Variants in TOP2B observed in about 807,000 individuals in gnomAD.
TOP2B encodes DNA topoisomerase II beta.
Under a neutral mutation model 193.5 loss-of-function variants are expected in TOP2B, and 51 were observed. The observed-to-expected ratio is 0.26, with a 90% CI of 0.21 to 0.33. TOP2B has a LOEUF of 0.33. Ranked by LOEUF, TOP2B falls within the 10% of genes least tolerant of loss-of-function variation. The pLI is 1.00. For synonymous variants in TOP2B, 634 were observed against 635.7 expected (o/e 1.00, Z 0.04); for missense variants, 1,378 against 1,909.3 (o/e 0.72, Z 5.19).
chr3:25,664,503 G>C lies in TOP2B; in HGVS notation c.-206C>G, dbSNP rs904161472. 8.5e-7 allele frequency: 1 copy of C among 1,177,902 alleles called. No homozygotes were observed. Among genetic ancestry groups the C allele is most frequent in the Non-Finnish European group, 1.0e-6 (1 of 954,598 alleles). The allele number at this position is 1,177,902 out of a possible 1,614,324, so 73.0% of individuals were successfully genotyped here. A position where few individuals can be genotyped will look rare whatever the true frequency, so the allele number is the denominator to read the frequency against. On this transcript the variant is annotated 5_prime_UTR_variant, in exon 1 of 36. Transcript: ENST00000264331. ...CGCGCCGCCGGCTGCCCTCAAACTC[G>C]AGGCGCGGCGTCCGCGTCGCCCGGG... is the stretch of plus-strand genomic sequence containing the variant.
At chr3:25,657,077 C>G (rs189627541) in intron 1 of TOP2B, among the ~76,000 whole-genome samples, 1 of 152,210 alleles carries the variant, frequency 6.6e-6, no homozygotes, top group Non-Finnish European at 1.5e-5. Flanking sequence ...TTGTCTTTTA[C>G]GTTCCCATTC....
Position 25,664,356 on chromosome 3 carries a change from G to C in TOP2B, c.-59C>G. On this transcript the variant is annotated 5_prime_UTR_variant, in exon 1 of 36. Transcript: ENST00000264331. ...GCAGCCGCCGCTCCCGCCTCCCTGC[G>C]GGCCGCTGGGCCCCGCCGCTCCGCA... 1.4e-6 allele frequency: 2 copies of C among 1,391,586 alleles called. No homozygotes were observed. The highest frequency in any genetic ancestry group is 1.8e-6 in the Non-Finnish European group (2 of 1,084,520). The allele number at this position is 1,391,586 out of a possible 1,614,324, so 86.2% of individuals were successfully genotyped here. A position where few individuals can be genotyped will look rare whatever the true frequency, so the allele number is the denominator to read the frequency against.
At chr3:25,656,942 C>T (rs1167143297) in intron 1 of TOP2B, among the ~76,000 whole-genome samples, 3 of 152,192 alleles carry the variant, frequency 2.0e-5, no homozygotes, top group Admixed American at 6.5e-5. Flanking sequence ...AATGTTTACA[C>T]CTATTTATTA....
intron 25 of TOP2B, among the ~76,000 whole-genome samples, chr3:25,616,357 T>G (rs934263647): frequency 2.0e-5 from 3 of 150,314 alleles, no homozygotes; most frequent in Non-Finnish European, 4.4e-5. Flanking sequence ...TTAAAATGAC[T>G]GAGTTAACCA....
Position 25,664,315 on chromosome 3 carries a change from CA to C in TOP2B, c.-19del. The C allele has an allele frequency of 6.6e-7, 1 of 1,513,676 alleles. No homozygotes were observed. The highest frequency in any genetic ancestry group is 8.8e-7 in the Non-Finnish European group (1 of 1,137,428). The allele number at this position is 1,513,676 out of a possible 1,614,324, so 93.8% of individuals were successfully genotyped here. A position where few individuals can be genotyped will look rare whatever the true frequency, so the allele number is the denominator to read the frequency against. ...TTGGCCATGGCGAGTGCCTCCAGCT[CA>C]CAGGCCCTGAGGCCGCAGCCGCCGC... On this transcript the variant is annotated 5_prime_UTR_variant, in exon 1 of 36. Transcript: ENST00000264331.
intron 1 of TOP2B, among the ~76,000 whole-genome samples, chr3:25,662,101 A>C (rs1361700658): frequency 3.9e-5 from 6 of 152,246 alleles, no homozygotes; most frequent in Admixed American, 3.9e-4. Context: ...GCATTTCTTG[A>C]AGTTCACCAA....
Position 25,664,209 on chromosome 3 carries a change from C to G in TOP2B, c.69+20G>C. The G allele has an allele frequency of 6.5e-7, 1 of 1,539,226 alleles. No individual in the cohort carries two copies. Among genetic ancestry groups the G allele is most frequent in the South Asian group, 1.2e-5 (1 of 83,982 alleles). On this transcript the variant is annotated intron_variant, in intron 1 of 35. Transcript: ENST00000264331. ...GGCCCGGAACAATGCAGCCGCCCGT[C>G]CCGGGGACCAGCCACTTACCACCCA...
intron 4 of TOP2B, among the ~76,000 whole-genome samples, chr3:25,639,818 T>C (rs1166105934): frequency 6.6e-6 from 1 of 152,212 alleles, no homozygotes; most frequent in Non-Finnish European, 1.5e-5. Flanking sequence ...ATTTTATCCC[T>C]ACATCACAGA....
In TOP2B at chr3:25,640,962, T is replaced by C. The variant is rs540978577; in HGVS notation, c.395+1360A>G. ...TTTGTTTGTTTGTTTGTTTGTTTTTTGTAGAGACAGGTTTTCACCATGTTG... is the reference window on the plus strand; with the variant it reads ...TTTGTTTGTTTGTTTGTTTGTTTTTCGTAGAGACAGGTTTTCACCATGTTG... On this transcript the variant is annotated intron_variant, in intron 4 of 35. Coordinates refer to ENST00000264331, the MANE Select transcript of TOP2B (RefSeq NM_001330700.2). Among the ~76,000 whole-genome samples the C allele has an allele frequency of 1.8e-4, 27 of 152,084 alleles. No homozygotes were observed. The South Asian group carries it at 5.2e-3, about 29-fold the overall frequency.
Position 25,664,761 on chromosome 3 carries a change from C to G in TOP2B, c.-464G>C. 2.0e-6 allele frequency: 2 copies of G among 988,570 alleles called. No homozygotes were observed. The highest frequency in any genetic ancestry group is 2.4e-6 in the Non-Finnish European group (2 of 830,862). 61.2% of individuals were successfully genotyped at this position (988,570 alleles called of 1,614,324 possible). ...ACTCGAGTCGCCAGAGTAGTCGTCC[C>G]GGTCGCCGCCGCTGCTTCAAAGGCA... On this transcript the variant is annotated 5_prime_UTR_variant, in exon 1 of 36. Transcript: ENST00000264331.
At chr3:25,646,988 A>G (rs555784797) in intron 1 of TOP2B, among the ~76,000 whole-genome samples, 96 of 152,326 alleles carry the variant, frequency 6.3e-4, no homozygotes, top group Admixed American at 1.0e-3. Context: ...TCCTACATTT[A>G]TAAGTTTTTC....
At chr3:25,610,152 T>C (rs2125352458) in intron 28 of TOP2B, among the ~76,000 whole-genome samples, 1 of 151,098 alleles carries the variant, frequency 6.6e-6, no homozygotes, top group South Asian at 2.1e-4. Flanking sequence ...GGTGAGCCTC[T>C]GGCCTGGGAA....
In TOP2B at chr3:25,618,519, G is replaced by A; in HGVS notation, c.3260-10C>T. ...TTCTTTGACCTATTCTCTATGTGAG[G>A]GAAAAATAAAGTTAGGATCAAGATA... On this transcript the variant is annotated splice_polypyrimidine_tract_variant and intron_variant, in intron 24 of 35. Transcript: ENST00000264331. 1 of 1,600,282 alleles carries A rather than the reference G, an allele frequency of 6.2e-7. No homozygotes were observed. Among genetic ancestry groups the A allele is most frequent in the Non-Finnish European group, 8.5e-7 (1 of 1,170,898 alleles).
chr3:25,658,864 T>C (rs1703826723), intron 1 of TOP2B, among the ~76,000 whole-genome samples: 2 of 152,200 alleles, frequency 1.3e-5, no homozygotes, highest in African/African-American at 4.8e-5. Flanking sequence ...CAAAAGATTC[T>C]TCAATGGACA....
chr3:25,600,972 G>T, intron 34 of TOP2B, 128 bp downstream of exon 34: 1 of 907,786 alleles, frequency 1.1e-6, no homozygotes, highest in African/African-American at 1.7e-5. Flanking sequence ...TAGACACACT[G>T]CTTACTGAGG....
At chr3:25,655,817 T>C (rs1489269396) in intron 1 of TOP2B, among the ~76,000 whole-genome samples, 2 of 152,188 alleles carry the variant, frequency 1.3e-5, no homozygotes, top group South Asian at 2.1e-4. Flanking sequence ...TCATATAAAG[T>C]ATCCACAGTA....
Position 25,633,824 on chromosome 3 carries a change from A to C in TOP2B, c.1026+17T>G, listed in dbSNP as rs749207411. The stretch of plus-strand genomic sequence containing the variant: ...TGTTCTACCACTGACTTGGAAACAA[A>C]TAATTTGCTTACTTACTTTTGTAGT... On this transcript the variant is annotated intron_variant, in intron 8 of 35. Coordinates refer to ENST00000264331, the MANE Select transcript of TOP2B (RefSeq NM_001330700.2). 6 of 1,596,104 alleles carry C rather than the reference A, an allele frequency of 3.8e-6. No individual in the cohort carries two copies. The highest frequency in any genetic ancestry group is 5.1e-6 in the Non-Finnish European group (6 of 1,171,462).
chr3:25,655,254 A>C (rs1027002422), intron 1 of TOP2B, among the ~76,000 whole-genome samples: 3 of 152,234 alleles, frequency 2.0e-5, no homozygotes, highest in African/African-American at 7.2e-5. Flanking sequence ...TTCTCCAAAT[A>C]AGATATGCAA....
At chr3:25,660,734 G>C (rs560282666) in intron 1 of TOP2B, among the ~76,000 whole-genome samples, 2 of 152,124 alleles carry the variant, frequency 1.3e-5, no homozygotes, top group African/African-American at 2.4e-5. Context: ...ACTAAAGCAA[G>C]GTTCTTAAAA....
Sources: allele counts gnomAD v4.1 joint callset (sites outside exome capture counted in the v4.1 genomes callset), GRCh38; gene constraint gnomAD v4.1.1; transcripts MANE v1.5; gene names NCBI Gene and HGNC (gene_info 2026-07-23, HGNC 2026-07-21).